The following ATM variants were observed in gnomAD, a reference collection of about 807,000 sequenced individuals.
The protein encoded by ATM is serine-protein kinase ATM.
A neutral mutation model predicts 387.0 loss-of-function variants in ATM; 308 were observed. The ratio of observed to expected loss-of-function variants is 0.80; its 90% CI spans 0.73 to 0.87. ATM has a LOEUF of 0.87. Ranked by LOEUF, ATM falls within the 40% of genes least tolerant of loss-of-function variation. The pLI is 0.00. For missense variants in ATM, 3,312 were observed against 3,560.9 expected (o/e 0.93, Z 1.78); for synonymous variants, 1,156 against 1,187.3 (o/e 0.97, Z 0.54).
chr11:108,367,837 T>C lies in ATM; in HGVS notation c.*2329T>C. ...AATTACAAACTTACCTTGGTGTATC[T>C]TTTTCTTACAAGCTGCCTAAATGAA... On this transcript the variant is annotated 3_prime_UTR_variant, in exon 63 of 63. Coordinates refer to ENST00000675843, the MANE Select transcript of ATM (RefSeq NM_000051.4). 4.8e-6 allele frequency: 1 copy of C among 207,852 alleles called. No individual in the cohort carries two copies. The allele number at this position is 207,852 out of a possible 1,614,324, so 12.9% of individuals were successfully genotyped here. A position where few individuals can be genotyped will look rare whatever the true frequency, so the allele number is the denominator to read the frequency against.
At position 108,227,828 on chromosome 11, in the gene ATM, A is replaced by G. The variant is rs201773026; in HGVS notation, c.125A>G (p.His42Arg). 98 of 1,613,684 alleles carry G rather than the reference A, an allele frequency of 6.1e-5. No homozygotes were observed. In the East Asian group the frequency reaches 1.8e-3, roughly 30 times the overall value. Residue 42 changes from histidine to arginine, a missense_variant, in exon 3 of 63, where the codon CAT (histidine) becomes CGT (arginine). By Grantham distance (29) the His-to-Arg change is conservative. This residue lies in a region of ATM where 1,791 missense variants were observed against 1,804.5 expected (regional missense o/e 0.99). Transcript: ENST00000675843. ...ATTCGAGATCCTGAAACAATTAAAC[A>G]TCTAGATCGGCATTCAGATTCCAAA... ...RLIRDPETIK[H>R]LDRHSDSKQG...
rs560509059 is a variant in ATM at position 108,361,827 on chromosome 11, C to A, written c.8851-3255C>A. Among the ~76,000 whole-genome samples the A allele has an allele frequency of 5.9e-5, 9 of 152,154 alleles. No homozygotes were observed. In the South Asian group the frequency reaches 8.3e-4, roughly 14 times the overall value. On this transcript the variant is annotated intron_variant, in intron 61 of 62. Coordinates refer to ENST00000675843, the MANE Select transcript of ATM (RefSeq NM_000051.4). ...ATGGATTAAAGACTTAAACGTTAGA[C>A]CTAATACCATAAAAACCCTAGAAGA...
chr11:108,234,412 G>A lies in ATM; in HGVS notation c.332-1258G>A, dbSNP rs562540553. Among the ~76,000 whole-genome samples, 6 of 152,104 alleles carry A rather than the reference G, an allele frequency of 3.9e-5. No individual in the cohort carries two copies. The South Asian group carries it at 8.3e-4, about 21-fold the overall frequency. ...GGAAAAATGGCATTTCTGCTGTGAC[G>A]TAAATATAATTTACTGAAAATGATA... is the stretch of plus-strand genomic sequence containing the variant. On this transcript the variant is annotated intron_variant, in intron 4 of 62. Transcript: ENST00000675843.
chr11:108,303,123 A>AC, intron 36 of ATM, 94 bp downstream of exon 36: 1 of 1,213,368 alleles, frequency 8.2e-7, no homozygotes, highest in Non-Finnish European at 1.2e-6. Flanking sequence ...ACATAATATC[A>AC]CCCCCACTCA....
intron 45 of ATM, among the ~76,000 whole-genome samples, chr11:108,321,710 C>A (rs1007003382): frequency 6.6e-6 from 1 of 151,222 alleles, no homozygotes; most frequent in African/African-American, 2.4e-5. Context: ...TTGAACCCAG[C>A]ACAACAGGCA....
intron 56 of ATM, among the ~76,000 whole-genome samples, chr11:108,339,115 T>G (rs1049983003): frequency 6.6e-6 from 1 of 152,230 alleles, no homozygotes; most frequent in African/African-American, 2.4e-5. Flanking sequence ...ACAGTTCTTA[T>G]TGTGTATGTT....
intron 45 of ATM, among the ~76,000 whole-genome samples, chr11:108,323,551 A>T (rs2085384916): frequency 6.6e-6 from 1 of 152,198 alleles, no homozygotes; most frequent in Non-Finnish European, 1.5e-5. Context: ...ACAAAAGAAG[A>T]TTTGGAATGT....
At chr11:108,331,663 A>C in intron 51 of ATM, 106 bp downstream of exon 51, 1 of 1,408,796 alleles carries the variant, frequency 7.1e-7, no homozygotes. Flanking sequence ...GAAATACAAA[A>C]TTTTGTATTT....
intron 32 of ATM, among the ~76,000 whole-genome samples, chr11:108,296,783 T>C (rs2083145226): frequency 6.6e-6 from 1 of 152,238 alleles, no homozygotes; most frequent in Non-Finnish European, 1.5e-5. Flanking sequence ...TAAAATTAAA[T>C]GAAATTTGAA....
chr11:108,301,542 T>A (rs2083428892), intron 34 of ATM, 106 bp from the exon 35 acceptor site: 1 of 1,371,820 alleles, frequency 7.3e-7, no homozygotes, highest in Non-Finnish European at 1.0e-6. Context: ...TAAAGTTTCC[T>A]AATACAAATT....
intron 58 of ATM, among the ~76,000 whole-genome samples, chr11:108,346,844 T>A (rs972262057): frequency 2.9e-4 from 44 of 152,258 alleles, no homozygotes; most frequent in African/African-American, 9.6e-4. Context: ...TAATTTGTGT[T>A]AAATATAATT....
intron 13 of ATM, among the ~76,000 whole-genome samples, chr11:108,254,560 T>C (rs1412183904): frequency 6.6e-6 from 1 of 152,232 alleles, no homozygotes; most frequent in Non-Finnish European, 1.5e-5. Context: ...TTTTAAAATG[T>C]GAAATGTCTT....
chr11:108,278,241 G>T (rs1288122225), intron 22 of ATM, among the ~76,000 whole-genome samples: 1 of 152,088 alleles, frequency 6.6e-6, no homozygotes, highest in Non-Finnish European at 1.5e-5. Flanking sequence ...CTCAGGTTTG[G>T]AACTGTTTTT....
At chr11:108,223,782 C>G (rs575418214) in intron 1 of ATM, 1 of 152,186 alleles carries the variant, frequency 6.6e-6, no homozygotes, top group African/African-American at 2.4e-5. Flanking sequence ...GCAAACTCAG[C>G]CTGAGACTAT....
Position 108,269,685 on chromosome 11 carries a change from A to G in ATM, c.2838+1076A>G, listed in dbSNP as rs1266541010. Among the ~76,000 whole-genome samples, 3 of 152,208 alleles carry G rather than the reference A, an allele frequency of 2.0e-5. No homozygotes were observed. The East Asian group carries it at 5.8e-4, about 29-fold the overall frequency. ...CGAGTAGCAAGTTGGGTCCTAGGTC[A>G]TGTCCCCAGTTCCAGCAAATTGTCA... On this transcript the variant is annotated intron_variant, in intron 18 of 62. Coordinates refer to ENST00000675843, the MANE Select transcript of ATM (RefSeq NM_000051.4).
Position 108,251,091 on chromosome 11 carries a change from A to T in ATM, c.1607+19A>T. On this transcript the variant is annotated intron_variant, in intron 10 of 62. Transcript: ENST00000675843. ...CTTCATGGTAAGTTCAGCATGCATT[A>T]TGTCTGACTTACAGATAAACACACA... 1 of 1,613,786 alleles carries T rather than the reference A, an allele frequency of 6.2e-7. No individual in the cohort carries two copies. The highest frequency in any genetic ancestry group is 1.1e-5 in the South Asian group (1 of 91,052).
chr11:108,368,941 T>C lies in ATM; in HGVS notation c.*3433T>C. The C allele has an allele frequency of 5.2e-6, 1 of 191,718 alleles. No individual in the cohort carries two copies. The highest frequency in any genetic ancestry group is 1.1e-5 in the Non-Finnish European group (1 of 91,660). The allele number at this position is 191,718 out of a possible 1,614,324, so 11.9% of individuals were successfully genotyped here. On this transcript the variant is annotated 3_prime_UTR_variant, in exon 63 of 63. Transcript: ENST00000675843. ...TAGTCTTTTAAAAAGAAAGCCAGTA[T>C]ATTGGTTTGAAATATAGAGATGTGT... is the stretch of plus-strand genomic sequence containing the variant.
chr11:108,330,917 T>G (rs928040924), intron 50 of ATM, among the ~76,000 whole-genome samples: 7 of 152,242 alleles, frequency 4.6e-5, no homozygotes, highest in African/African-American at 1.4e-4. Flanking sequence ...AACCTTAGAT[T>G]ATAGTGATGA....
chr11:108,274,756 G>C (rs2081841805), intron 22 of ATM, among the ~76,000 whole-genome samples: 2 of 152,068 alleles, frequency 1.3e-5, no homozygotes, highest in Non-Finnish European at 2.9e-5. Flanking sequence ...CCATTCTTTT[G>C]CATTTGCTGA....
Sources: gnomAD v4.1 joint callset for allele counts (sites outside exome capture counted in the v4.1 genomes callset) on GRCh38, gnomAD v4.1.1 for gene constraint, gnomAD v4.1.1 regional missense constraint, MANE v1.5 for transcripts, NCBI Gene and HGNC (gene_info 2026-07-23, HGNC 2026-07-21) for gene names.